The following CNTNAP4 variants were observed in gnomAD, a reference collection of about 807,000 sequenced individuals.
CNTNAP4 encodes the protein contactin associated protein family member 4.
CNTNAP4 carries 98 observed loss-of-function variants against 148.4 expected under a neutral mutation model. That is an observed-to-expected ratio of 0.66 (90% CI 0.56 to 0.78). The LOEUF (loss-of-function observed/expected upper bound fraction) is 0.78, where lower values mean the gene tolerates loss of function less well. Among genes scored for constraint, CNTNAP4 ranks in the 30% least tolerant of loss-of-function variants. CNTNAP4 has a pLI of 0.00. For missense variants in CNTNAP4, 1,935 were observed against 1,565.6 expected, an observed-to-expected ratio of 1.24 and a Z score of -3.98; for synonymous variants, 730 against 565.1, an observed-to-expected ratio of 1.29 and a Z score of -4.14.
At chr16:76,418,771 G>C (rs1198655115) in intron 3 of CNTNAP4, among the ~76,000 whole-genome samples, 1 of 149,778 alleles carries the variant, frequency 6.7e-6, no homozygotes, top group African/African-American at 2.5e-5. Context: ...GTAATATTTT[G>C]TTGAAACCAA....
At position 76,535,530 on chromosome 16, in the gene CNTNAP4, G is replaced by T. The variant is rs764446634; in HGVS notation, c.2756-15G>T. The T allele has an allele frequency of 2.5e-6, 4 of 1,610,910 alleles. No homozygotes were observed. In the African/African-American group the frequency reaches 5.4e-5, roughly 22 times the overall value. ...ACCTAGGAACATGTTTCCATTTGCA[G>T]TATTTCCCTTTTAGGTGGAACGGCC... On this transcript the variant is annotated splice_polypyrimidine_tract_variant and intron_variant, in intron 17 of 23. Coordinates refer to ENST00000611870, the MANE Select transcript of CNTNAP4 (RefSeq NM_033401.5).
At chr16:76,366,818 A>G (rs1021059503) in intron 3 of CNTNAP4, among the ~76,000 whole-genome samples, 2 of 152,204 alleles carry the variant, frequency 1.3e-5, no homozygotes, top group African/African-American at 2.4e-5. Context: ...AGAAACAAAA[A>G]AAGAACTATT....
chr16:76,294,106 A>G (rs573658288), intron 1 of CNTNAP4, among the ~76,000 whole-genome samples: 3 of 152,170 alleles, frequency 2.0e-5, no homozygotes, highest in South Asian at 4.2e-4. Context: ...TAAGAAACCC[A>G]CTCATTCAAC....
At chr16:76,397,467 G>T (rs1255048941) in intron 3 of CNTNAP4, among the ~76,000 whole-genome samples, 1 of 151,912 alleles carries the variant, frequency 6.6e-6, no homozygotes, top group Non-Finnish European at 1.5e-5. Context: ...GAAGGCATGC[G>T]ACAGAGGGAA....
chr16:76,326,511 C>T (rs554929187), intron 2 of CNTNAP4, among the ~76,000 whole-genome samples: 7 of 152,170 alleles, frequency 4.6e-5, no homozygotes, highest in Admixed American at 1.3e-4. Flanking sequence ...ATGTTTATTG[C>T]GGCACTATTC....
chr16:76,424,984 G>A, intron 3 of CNTNAP4, among the ~76,000 whole-genome samples: 1 of 152,096 alleles, frequency 6.6e-6, no homozygotes, highest in Non-Finnish European at 1.5e-5. Flanking sequence ...TAGTGCTCTA[G>A]AGGTTGGGTG....
intron 9 of CNTNAP4, among the ~76,000 whole-genome samples, chr16:76,464,135 C>T (rs533125190): frequency 6.6e-6 from 1 of 152,250 alleles, no homozygotes; most frequent in African/African-American, 2.4e-5. Context: ...CACTTCCCAG[C>T]CTTGTACTTC....
At chr16:76,359,632 A>G (rs1046917222) in intron 3 of CNTNAP4, among the ~76,000 whole-genome samples, 1 of 152,232 alleles carries the variant, frequency 6.6e-6, no homozygotes, top group African/African-American at 2.4e-5. Flanking sequence ...ACACATTGGA[A>G]TATTTCTTCA....
intron 10 of CNTNAP4, among the ~76,000 whole-genome samples, chr16:76,468,109 A>G (rs2081241916): frequency 1.3e-5 from 2 of 152,212 alleles, no homozygotes; most frequent in African/African-American, 4.8e-5. Flanking sequence ...AGTTTCAACA[A>G]GAGCATCAGT....
intron 15 of CNTNAP4, among the ~76,000 whole-genome samples, chr16:76,510,336 T>A (rs2082962399): frequency 6.6e-6 from 1 of 152,206 alleles, no homozygotes; most frequent in Non-Finnish European, 1.5e-5. Flanking sequence ...CGCTTCATTC[T>A]TTTTTATGAC....
At chr16:76,418,014 C>A (rs894939302) in intron 3 of CNTNAP4, among the ~76,000 whole-genome samples, 1 of 151,782 alleles carries the variant, frequency 6.6e-6, no homozygotes, top group Non-Finnish European at 1.5e-5. Flanking sequence ...TCGATGCCCT[C>A]TGCTTCTTCC....
intron 21 of CNTNAP4, among the ~76,000 whole-genome samples, chr16:76,545,769 G>A (rs1464441716): frequency 6.6e-6 from 1 of 152,186 alleles, no homozygotes; most frequent in African/African-American, 2.4e-5. Flanking sequence ...CAGGCACAGT[G>A]GCTCACGCCT....
At position 76,435,480 on chromosome 16, in the gene CNTNAP4, T is replaced by A. The variant is rs539218847; in HGVS notation, c.538+7881T>A. 6.6e-5 allele frequency among the ~76,000 whole-genome samples: 10 copies of A among 152,222 alleles called. No homozygotes were observed. In the South Asian group the frequency reaches 2.1e-3, roughly 32 times the overall value. On this transcript the variant is annotated intron_variant, in intron 4 of 23. Transcript: ENST00000611870. Reference sequence around the variant, plus strand: ...CACCTCAGGATCCAGTTATTCCCATTTTATTTAAATTTTGTCGTTGAGTGA... The same window carrying A: ...CACCTCAGGATCCAGTTATTCCCATATTATTTAAATTTTGTCGTTGAGTGA...
At chr16:76,368,212 GAGT>G (rs903162972) in intron 3 of CNTNAP4, among the ~76,000 whole-genome samples, 112 of 152,196 alleles carry the variant, frequency 7.4e-4, no homozygotes, top group Middle Eastern at 6.8e-3. Flanking sequence ...TAAAGATAAA[GAGT>G]AGGAAAAAAG....
chr16:76,359,112 T>C lies in CNTNAP4; in HGVS notation c.390+3601T>C, dbSNP rs532387119. Among the ~76,000 whole-genome samples the C allele has an allele frequency of 3.9e-5, 6 of 152,330 alleles. No individual in the cohort carries two copies. In the East Asian group the frequency reaches 1.2e-3, roughly 29 times the overall value. On this transcript the variant is annotated intron_variant, in intron 3 of 23. Coordinates refer to ENST00000611870, the MANE Select transcript of CNTNAP4 (RefSeq NM_033401.5). ...TGCATTTTTTAAGCAGAAGAACAAT[T>C]TCAAATTGATGTACATCATAAAAAA...
At chr16:76,481,910 G>C (rs1446363061) in intron 12 of CNTNAP4, among the ~76,000 whole-genome samples, 1 of 152,120 alleles carries the variant, frequency 6.6e-6, no homozygotes, top group Non-Finnish European at 1.5e-5. Context: ...GGCAAGTTGG[G>C]TGGGGAGGGG....
At chr16:76,395,952 C>T (rs1452109043) in intron 3 of CNTNAP4, among the ~76,000 whole-genome samples, 1 of 151,774 alleles carries the variant, frequency 6.6e-6, no homozygotes, top group Non-Finnish European at 1.5e-5. Flanking sequence ...TGGTCTCAAA[C>T]TCCTGACCTC....
intron 13 of CNTNAP4, among the ~76,000 whole-genome samples, chr16:76,494,084 C>A (rs1017238787): frequency 1.3e-5 from 2 of 148,994 alleles, no homozygotes; most frequent in African/African-American, 4.9e-5. Context: ...TTCCTCCATA[C>A]TTTTTTTTTT....
chr16:76,511,557 C>G (rs2083026229), intron 15 of CNTNAP4, among the ~76,000 whole-genome samples: 1 of 152,158 alleles, frequency 6.6e-6, no homozygotes, highest in South Asian at 2.1e-4. Context: ...TCCATTTCAA[C>G]ACATAATAAA....
Sources: gnomAD v4.1 joint callset for allele counts (sites outside exome capture counted in the v4.1 genomes callset) on GRCh38, gnomAD v4.1.1 for gene constraint, MANE v1.5 for transcripts, NCBI Gene and HGNC (gene_info 2026-07-23, HGNC 2026-07-21) for gene names.